The following ZNF343 variants were observed in gnomAD, a reference collection of about 807,000 sequenced individuals.
ZNF343 encodes zinc finger protein 343.
ZNF343 carries 11 observed loss-of-function variants against 13.8 expected under a neutral mutation model. The observed-to-expected ratio is 0.80, with a 90% CI of 0.50 to 1.32. The LOEUF is 1.32. Among genes scored for constraint, ZNF343 ranks in the 40% most tolerant of loss-of-function variants. ZNF343 has a pLI of 0.00. For synonymous variants in ZNF343, 248 were observed against 260.0 expected, an observed-to-expected ratio of 0.95 and a Z score of 0.44; for missense variants, 658 against 714.2, an observed-to-expected ratio of 0.92 and a Z score of 0.90.
intron 5 of ZNF343, among the ~76,000 whole-genome samples, chr20:2,491,619 T>C (rs1308739775): frequency 6.6e-6 from 1 of 152,160 alleles, no homozygotes; most frequent in Non-Finnish European, 1.5e-5. Context: ...ATAAACATTA[T>C]ATTAAATTCA....
intron 1 of ZNF343, among the ~76,000 whole-genome samples, chr20:2,520,630 G>A (rs1001305092): frequency 2.0e-5 from 3 of 152,014 alleles, no homozygotes; most frequent in Non-Finnish European, 4.4e-5. Flanking sequence ...TACTAGATAT[G>A]CTCTAACTCA....
intron 5 of ZNF343, among the ~76,000 whole-genome samples, chr20:2,488,489 C>T (rs1473047632): frequency 6.6e-6 from 1 of 152,042 alleles, no homozygotes; most frequent in Non-Finnish European, 1.5e-5. Context: ...TGGGCCAGCA[C>T]CACAATGTTT....
At chr20:2,499,746 G>A (rs957367966) in intron 2 of ZNF343, among the ~76,000 whole-genome samples, 1 of 152,146 alleles carries the variant, frequency 6.6e-6, no homozygotes, top group African/African-American at 2.4e-5. Flanking sequence ...AGCTCCGGCT[G>A]GTGACCAGGG....
intron 1 of ZNF343, among the ~76,000 whole-genome samples, chr20:2,522,248 C>T (rs2085785792): frequency 6.6e-6 from 1 of 152,186 alleles, no homozygotes; most frequent in Non-Finnish European, 1.5e-5. Context: ...AGGTTAAGGA[C>T]ATATTCCTTA....
chr20:2,520,179 C>T (rs957282667), intron 1 of ZNF343, among the ~76,000 whole-genome samples: 5 of 152,110 alleles, frequency 3.3e-5, no homozygotes, highest in African/African-American at 1.2e-4. Context: ...TTAGATTCAC[C>T]TTAATTTAAT....
intron 1 of ZNF343, among the ~76,000 whole-genome samples, chr20:2,515,464 A>G (rs1214839290): frequency 6.6e-6 from 1 of 152,232 alleles, no homozygotes; most frequent in Non-Finnish European, 1.5e-5. Context: ...TGTTCTCCAA[A>G]GAATCTTAAA....
Position 2,493,861 on chromosome 20 carries a change from TG to T in ZNF343, c.34del (p.Gln12AsnfsTer15). The T allele has an allele frequency of 6.2e-7, 1 of 1,614,016 alleles. No individual in the cohort carries two copies. Among genetic ancestry groups the T allele is most frequent in the African/African-American group, 1.3e-5 (1 of 75,038 alleles). On this transcript the variant is annotated frameshift_variant, in exon 3 of 6. Coordinates refer to ENST00000278772, the MANE Select transcript of ZNF343 (RefSeq NM_024325.6). LOFTEE classifies it high-confidence loss of function. ...MLPYPSALGD[Q>X]YWEEILLPKN... is the part of the protein sequence containing the mutation. ...TGGAAGCAAAATCTCTTCCCAGTAT[TG>T]ATCTCCCAGTGCTGAAGGATAAGGC...
rs777800592 is a variant in ZNF343 at position 2,483,839 on chromosome 20, T to C, written c.1122A>G (p.Thr374=). Residue 374 remains threonine, a synonymous_variant, in exon 6 of 6, where the codon ACA becomes ACG. Transcript: ENST00000278772. ...ACACATAGGGTTTCTCACCGGAGTG[T>C]GTCCTCTGGTGTCTGATGAAGGATG... ...EKSSFIRHQR[T]HSGEKPYVCL... is the part of the protein sequence containing the mutation. The C allele has an allele frequency of 1.2e-6, 2 of 1,613,376 alleles. No individual in the cohort carries two copies. The highest frequency in any genetic ancestry group is 1.7e-6 in the Non-Finnish European group (2 of 1,179,736).
At chr20:2,522,629 A>G (rs554518354) in intron 1 of ZNF343, among the ~76,000 whole-genome samples, 4 of 152,152 alleles carry the variant, frequency 2.6e-5, no homozygotes, top group Non-Finnish European at 2.9e-5. Context: ...ATTTACTCCG[A>G]CTCATAATAA....
chr20:2,523,684 T>TC (rs1358923825), intron 1 of ZNF343, among the ~76,000 whole-genome samples: 1 of 145,278 alleles, frequency 6.9e-6, no homozygotes, highest in African/African-American at 2.5e-5. Flanking sequence ...GTACTTTTTT[T>TC]TTTTTTTTTT....
At position 2,507,987 on chromosome 20, in the gene ZNF343, C is replaced by A. The variant is rs141147155; in HGVS notation, c.-237+894G>T. Among the ~76,000 whole-genome samples the A allele has an allele frequency of 4.1e-3, 621 of 152,092 alleles. 3 individuals are homozygous for A. The highest frequency in any genetic ancestry group is 0.014 in the African/African-American group (568 of 41,466). Reference sequence around the variant, plus strand: ...CCCTAACATGTGAGGGAAAAGCAGTCCAGGAAAGGAGTCAGCCAGACGGGC... The same window carrying A: ...CCCTAACATGTGAGGGAAAAGCAGTACAGGAAAGGAGTCAGCCAGACGGGC... On this transcript the variant is annotated intron_variant, in intron 1 of 5. Coordinates refer to ENST00000278772, the MANE Select transcript of ZNF343 (RefSeq NM_024325.6).
chr20:2,508,475 C>T lies in ZNF343; in HGVS notation c.-237+406G>A, dbSNP rs914458621. Among the ~76,000 whole-genome samples, 8 of 152,180 alleles carry T rather than the reference C, an allele frequency of 5.3e-5. No homozygotes were observed. Among genetic ancestry groups the T allele is most frequent in the Non-Finnish European group, 1.0e-4 (7 of 68,026 alleles). On this transcript the variant is annotated intron_variant, in intron 1 of 5. Coordinates refer to ENST00000278772, the MANE Select transcript of ZNF343 (RefSeq NM_024325.6). This position sits in a 1 kb window ranked among gnomAD's most constrained non-coding sequence, Gnocchi z 4.5. Reference sequence around the variant, plus strand: ...GTGCGGACCTAGCCACGTCCCCACCCCAGCCGCGGGGATGTTGGTCCATTT... The same window carrying T: ...GTGCGGACCTAGCCACGTCCCCACCTCAGCCGCGGGGATGTTGGTCCATTT...
chr20:2,509,222 G>A (rs1160291459), upstream of ZNF343: 1 of 152,230 alleles, frequency 6.6e-6, no homozygotes, highest in East Asian at 1.9e-4. Context: ...CGAATCTAGC[G>A]GGAGCAATGC....
chr20:2,502,147 C>T lies in ZNF343; in HGVS notation c.-236-1405G>A, dbSNP rs1376065139. Among the ~76,000 whole-genome samples the T allele has an allele frequency of 1.1e-4, 16 of 152,178 alleles. 1 individual carries two copies. The highest frequency in any genetic ancestry group is 2.9e-4 in the African/African-American group (12 of 41,522). ...CCTGATGGAGCTGAAAACCATGGCA[C>T]GAGAACTACGTGACGAATGCACAAG... On this transcript the variant is annotated intron_variant, in intron 1 of 5. Transcript: ENST00000278772.
At position 2,508,646 on chromosome 20, in the gene ZNF343, C is replaced by T. The variant is rs986126683; in HGVS notation, c.-237+235G>A. 1.3e-5 allele frequency among the ~76,000 whole-genome samples: 2 copies of T among 152,200 alleles called. No individual in the cohort carries two copies. Among genetic ancestry groups the T allele is most frequent in the African/African-American group, 2.4e-5 (1 of 41,462 alleles). ...AGAGTTCTAGGTCACTCTCGTCCCC[C>T]CGGGGGGAAAAAAGGTCCGCGGAGG... On this transcript the variant is annotated intron_variant, in intron 1 of 5. Transcript: ENST00000278772. The surrounding 1 kb of genome is among the most constrained non-coding windows in gnomAD (Gnocchi z 4.5).
chr20:2,493,598 T>C (rs771398636), intron 3 of ZNF343, 21 bp from the exon 4 acceptor site: 19 of 1,599,640 alleles, frequency 1.2e-5, no homozygotes, highest in Middle Eastern at 3.3e-4. Context: ...AAAAAGAAGC[T>C]ATGAGAAACC....
At chr20:2,512,639 C>T (rs2085743336), upstream of ZNF343, among the ~76,000 whole-genome samples, 1 of 152,108 alleles carries the variant, frequency 6.6e-6, no homozygotes, top group Admixed American at 6.5e-5. Flanking sequence ...GGACCTCTAC[C>T]TCCCACTGTA....
chr20:2,520,393 G>C (rs900283191), intron 1 of ZNF343, among the ~76,000 whole-genome samples: 6 of 151,984 alleles, frequency 3.9e-5, no homozygotes, highest in Non-Finnish European at 8.8e-5. Flanking sequence ...AGCACTTTAG[G>C]AGGCCAAGGT....
At chr20:2,509,730 C>T (rs1474900844), upstream of ZNF343, among the ~76,000 whole-genome samples, 2 of 152,188 alleles carry the variant, frequency 1.3e-5, no homozygotes, top group Non-Finnish European at 2.9e-5. Flanking sequence ...CTGGTACCTT[C>T]TGCAACACGG....
Sources: allele counts gnomAD v4.1 joint callset (sites outside exome capture counted in the v4.1 genomes callset), GRCh38; gene constraint gnomAD v4.1.1; non-coding constraint Gnocchi (gnomAD v3.1); transcripts MANE v1.5; gene names NCBI Gene and HGNC (gene_info 2026-07-23, HGNC 2026-07-21).